The following CNTN4 variants were observed in gnomAD, a reference collection of about 807,000 sequenced individuals.
CNTN4 encodes the protein contactin 4.
Under a neutral mutation model 122.5 loss-of-function variants are expected in CNTN4, and 77 were observed. The ratio of observed to expected loss-of-function variants is 0.63; its 90% CI spans 0.52 to 0.76. The LOEUF (loss-of-function observed/expected upper bound fraction) is 0.76, where lower values mean the gene tolerates loss of function less well. Ranked by LOEUF, CNTN4 falls within the 30% of genes least tolerant of loss-of-function variation. The pLI is 0.00. For synonymous variants in CNTN4, 512 were observed against 447.0 expected, an observed-to-expected ratio of 1.15 and a Z score of -1.83; for missense variants, 1,256 against 1,259.1, an observed-to-expected ratio of 1.00 and a Z score of 0.04.
chr3:2,590,047 A>C (rs1049683060), intron 4 of CNTN4, among the ~76,000 whole-genome samples: 23 of 152,180 alleles, frequency 1.5e-4, no homozygotes, highest in Non-Finnish European at 2.9e-4. Context: ...ATTTGGACGT[A>C]ATTTCAAACC....
At position 2,546,799 on chromosome 3, in the gene CNTN4, C is replaced by T. The variant is rs190656821; in HGVS notation, c.-88-24617C>T. On this transcript the variant is annotated intron_variant, in intron 3 of 24. Coordinates refer to ENST00000418658, the MANE Select transcript of CNTN4 (RefSeq NM_175607.3). ...AGAAGAAGAAATGGCCATGGGCTAT[C>T]CTGGCCTTTAAGATAAATGGAAGAA... Among the ~76,000 whole-genome samples, 6 of 152,170 alleles carry T rather than the reference C, an allele frequency of 3.9e-5. No homozygotes were observed. In the East Asian group the frequency reaches 1.2e-3, roughly 29 times the overall value.
chr3:2,433,925 T>C (rs944205218), intron 3 of CNTN4, among the ~76,000 whole-genome samples: 1 of 152,136 alleles, frequency 6.6e-6, no homozygotes, highest in Non-Finnish European at 1.5e-5. Context: ...AAATACCATA[T>C]GATTTGACTT....
intron 2 of CNTN4, among the ~76,000 whole-genome samples, chr3:2,116,231 G>C (rs996419186): frequency 6.6e-6 from 1 of 152,042 alleles, no homozygotes; most frequent in Non-Finnish European, 1.5e-5. Flanking sequence ...CATAATTAAC[G>C]TGAGGCATAA....
intron 10 of CNTN4, among the ~76,000 whole-genome samples, chr3:2,893,495 TTAAGA>T (rs2094068869): frequency 6.6e-6 from 1 of 152,238 alleles, no homozygotes. Flanking sequence ...CCCCTGTCAC[TTAAGA>T]TAAAGTCAAC....
chr3:2,769,706 C>G (rs193008145), intron 6 of CNTN4, among the ~76,000 whole-genome samples: 6 of 152,152 alleles, frequency 3.9e-5, no homozygotes, highest in African/African-American at 1.4e-4. Flanking sequence ...TCCATTAAAT[C>G]CAACACTCTG....
intron 2 of CNTN4, among the ~76,000 whole-genome samples, chr3:2,185,105 G>T (rs927251019): frequency 6.6e-6 from 1 of 152,168 alleles, no homozygotes; most frequent in South Asian, 2.1e-4. Flanking sequence ...TTTGAATGGA[G>T]CCTGGCCTGG....
chr3:2,969,955 A>G (rs1038043796), intron 13 of CNTN4, among the ~76,000 whole-genome samples: 3 of 152,128 alleles, frequency 2.0e-5, no homozygotes, highest in African/African-American at 7.2e-5. Context: ...ATACACCCAC[A>G]CACACAGACA....
chr3:2,747,930 C>T (rs2089884870), intron 6 of CNTN4, among the ~76,000 whole-genome samples: 1 of 150,480 alleles, frequency 6.6e-6, no homozygotes, highest in African/African-American at 2.5e-5. Context: ...CATTCACTCC[C>T]AATTCTTACT....
intron 6 of CNTN4, among the ~76,000 whole-genome samples, chr3:2,760,329 C>T (rs1439494663): frequency 6.6e-6 from 1 of 152,140 alleles, no homozygotes; most frequent in South Asian, 2.1e-4. Context: ...AGCTCTATCA[C>T]CCATTTTGAG....
At position 2,673,025 on chromosome 3, in the gene CNTN4, A is replaced by C. The variant is rs1442547346; in HGVS notation, c.56-63190A>C. On this transcript the variant is annotated intron_variant, in intron 4 of 24. Coordinates refer to ENST00000418658, the MANE Select transcript of CNTN4 (RefSeq NM_175607.3). Reference sequence around the variant, plus strand: ...TGACAGTACTACTTACCGGTTTCCAAAATATTTTTGTACTTGTCTAATGGC... The same window carrying C: ...TGACAGTACTACTTACCGGTTTCCACAATATTTTTGTACTTGTCTAATGGC... Among the ~76,000 whole-genome samples the C allele has an allele frequency of 3.9e-5, 6 of 152,312 alleles. No individual in the cohort carries two copies. The East Asian group carries it at 1.2e-3, about 29-fold the overall frequency.
chr3:2,497,310 A>G (rs1287007773), intron 3 of CNTN4, among the ~76,000 whole-genome samples: 11 of 152,194 alleles, frequency 7.2e-5, no homozygotes, highest in Non-Finnish European at 1.5e-4. Flanking sequence ...CTTGGCACCT[A>G]AGATTACTGT....
chr3:3,049,994 T>C (rs1701090128), intron 23 of CNTN4, among the ~76,000 whole-genome samples: 1 of 152,224 alleles, frequency 6.6e-6, no homozygotes, highest in Non-Finnish European at 1.5e-5. Flanking sequence ...GCAATTAATA[T>C]GAACAGAAGT....
intron 2 of CNTN4, among the ~76,000 whole-genome samples, chr3:2,231,184 A>G (rs937704087): frequency 2.0e-5 from 3 of 152,098 alleles, no homozygotes; most frequent in Non-Finnish European, 4.4e-5. Context: ...GATACTTTAC[A>G]CTCATTTTTT....
intron 3 of CNTN4, among the ~76,000 whole-genome samples, chr3:2,468,780 A>G (rs1321906289): frequency 6.6e-6 from 1 of 152,082 alleles, no homozygotes; most frequent in Non-Finnish European, 1.5e-5. Context: ...TGGTCTCAAA[A>G]TGCCATCATT....
At chr3:2,489,689 A>T (rs2151652944) in intron 3 of CNTN4, among the ~76,000 whole-genome samples, 1 of 152,320 alleles carries the variant, frequency 6.6e-6, no homozygotes, top group African/African-American at 2.4e-5. Flanking sequence ...CTGCATGTTA[A>T]GTTTAAAAAA....
rs111694480 is a variant in CNTN4, at chr3:2,925,464, A to G, written c.1208-165A>G. ...GCTACTAGGGAGGCTGAGGCAGGAGAGTCACTTGAACCCGGGAGGCGGAGG... is the reference window on the plus strand; with the variant it reads ...GCTACTAGGGAGGCTGAGGCAGGAGGGTCACTTGAACCCGGGAGGCGGAGG... On this transcript the variant is annotated intron_variant, in intron 12 of 24. Coordinates refer to ENST00000418658, the MANE Select transcript of CNTN4 (RefSeq NM_175607.3). Among the ~76,000 whole-genome samples, 37 of 152,278 alleles carry G rather than the reference A, an allele frequency of 2.4e-4. 1 individual carries two copies. Among genetic ancestry groups the G allele is most frequent in the African/African-American group, 8.9e-4 (37 of 41,570 alleles).
chr3:2,446,748 G>A (rs2151322711), intron 3 of CNTN4, among the ~76,000 whole-genome samples: 1 of 152,308 alleles, frequency 6.6e-6, no homozygotes, highest in East Asian at 1.9e-4. Context: ...AGCGTCTTCT[G>A]AGTTGAATTC....
At chr3:2,130,794 G>T (rs1171844570) in intron 2 of CNTN4, among the ~76,000 whole-genome samples, 7 of 152,166 alleles carry the variant, frequency 4.6e-5, no homozygotes, top group African/African-American at 1.7e-4. Flanking sequence ...AGCCCTTGGG[G>T]TCAAAAGTAG....
intron 14 of CNTN4, among the ~76,000 whole-genome samples, chr3:2,993,915 C>G (rs1695284944): frequency 6.6e-6 from 1 of 152,094 alleles, no homozygotes; most frequent in South Asian, 2.1e-4. Context: ...AAACAGTTGA[C>G]TTTAGAACTT....
Sources: allele counts gnomAD v4.1 joint callset (sites outside exome capture counted in the v4.1 genomes callset), GRCh38; gene constraint gnomAD v4.1.1; transcripts MANE v1.5; gene names NCBI Gene and HGNC (gene_info 2026-07-23, HGNC 2026-07-21).